The following STK33 variants were observed in gnomAD, a reference collection of about 807,000 sequenced individuals.
STK33 encodes the protein serine/threonine kinase 33, also known as serine/threonine-protein kinase 33.
Under a neutral mutation model 58.0 loss-of-function variants are expected in STK33, and 52 were observed. The observed-to-expected ratio is 0.90, with a 90% CI of 0.72 to 1.13. The LOEUF is 1.13. STK33 is among the 50% of genes most tolerant of loss of function. The probability of loss-of-function intolerance (pLI) is 0.00; values close to 1 mark genes in which losing one functional copy is unlikely to be tolerated. For synonymous variants in STK33, 215 were observed against 200.1 expected, an observed-to-expected ratio of 1.07 and a Z score of -0.63; for missense variants, 630 against 604.2, an observed-to-expected ratio of 1.04 and a Z score of -0.45.
chr11:8,486,826 T>C (rs775433128), intron 1 of STK33, among the ~76,000 whole-genome samples: 10 of 152,112 alleles, frequency 6.6e-5, no homozygotes, highest in Non-Finnish European at 1.3e-4. Context: ...GAATCAGGGA[T>C]GGGAAAAGTA....
At chr11:8,488,760 G>C (rs958505972) in intron 1 of STK33, among the ~76,000 whole-genome samples, 10 of 152,086 alleles carry the variant, frequency 6.6e-5, no homozygotes, top group Admixed American at 5.2e-4. Flanking sequence ...CTTATTTCCA[G>C]AGTTGCCACA....
intron 1 of STK33, among the ~76,000 whole-genome samples, chr11:8,582,111 C>T (rs1028225318): frequency 4.6e-5 from 7 of 152,172 alleles, no homozygotes; most frequent in African/African-American, 1.7e-4. Context: ...CACAATAAAA[C>T]CACCAATTTT....
intron 1 of STK33, among the ~76,000 whole-genome samples, chr11:8,532,529 T>A (rs1431467267): frequency 6.6e-6 from 1 of 152,236 alleles, no homozygotes. Flanking sequence ...ATATTTTCCC[T>A]TTTCCAAACT....
At chr11:8,417,112 T>G (rs1449625876) in intron 14 of STK33, among the ~76,000 whole-genome samples, 1 of 152,114 alleles carries the variant, frequency 6.6e-6, no homozygotes, top group African/African-American at 2.4e-5. Flanking sequence ...CACCTCACCA[T>G]CAGAACACTA....
At chr11:8,388,378 A>G (rs12576010), downstream of STK33, among the ~76,000 whole-genome samples, 39,195 of 152,232 alleles carry the variant, frequency 0.26, 5,670 homozygotes, top group African/African-American at 0.39. Context: ...AGACAGCCGC[A>G]GATGCGGCCT....
intron 11 of STK33, among the ~76,000 whole-genome samples, chr11:8,449,343 C>T (rs147084287): frequency 2.0e-5 from 3 of 151,512 alleles, no homozygotes; most frequent in Non-Finnish European, 2.9e-5. Flanking sequence ...CATATGTTTA[C>T]TGCGGCACTA....
chr11:8,584,211 A>G (rs2031039381), intron 1 of STK33, among the ~76,000 whole-genome samples: 1 of 152,130 alleles, frequency 6.6e-6, no homozygotes, highest in Non-Finnish European at 1.5e-5. Flanking sequence ...CAACTCTCCA[A>G]ATACTTGCAA....
intron 1 of STK33, among the ~76,000 whole-genome samples, chr11:8,527,315 G>T (rs1161317664): frequency 1.3e-5 from 2 of 152,108 alleles, no homozygotes; most frequent in Non-Finnish European, 2.9e-5. Flanking sequence ...TATACAAACT[G>T]GCTGGGCCCT....
the STK33 span, among the ~76,000 whole-genome samples, chr11:8,343,665 G>A: frequency 7.2e-5 from 11 of 152,264 alleles, 1 homozygote; most frequent in South Asian, 1.2e-3. Context: ...AGGCTGGGGC[G>A]AGTCTCATAG....
chr11:8,492,601 T>C (rs180996587), intron 1 of STK33, among the ~76,000 whole-genome samples: 28 of 152,152 alleles, frequency 1.8e-4, no homozygotes, highest in Non-Finnish European at 4.0e-4. Flanking sequence ...GCCAACTAAA[T>C]AGTCATCTAC....
intron 1 of STK33, among the ~76,000 whole-genome samples, chr11:8,508,517 C>T (rs1420122767): frequency 6.6e-6 from 1 of 152,040 alleles, no homozygotes; most frequent in Admixed American, 6.5e-5. Flanking sequence ...AGCAATCCTC[C>T]CACCTTGGCC....
chr11:8,573,912 G>A (rs1957998224), intron 1 of STK33, among the ~76,000 whole-genome samples: 1 of 152,230 alleles, frequency 6.6e-6, no homozygotes, highest in East Asian at 1.9e-4. Context: ...ACAGATAGGA[G>A]AGGGGTAGGT....
intron 7 of STK33, among the ~76,000 whole-genome samples, chr11:8,464,008 A>G (rs576934588): frequency 2.6e-4 from 39 of 152,374 alleles, no homozygotes; most frequent in African/African-American, 8.9e-4. Context: ...AATAATACAT[A>G]AAACCTACCA....
intron 1 of STK33, among the ~76,000 whole-genome samples, chr11:8,583,949 A>C (rs2030952231): frequency 6.6e-6 from 1 of 152,184 alleles, no homozygotes. Context: ...TCTGAGTATA[A>C]CGAATACAGC....
chr11:8,498,722 T>A (rs1047377912), intron 1 of STK33, among the ~76,000 whole-genome samples: 7 of 152,128 alleles, frequency 4.6e-5, no homozygotes, highest in African/African-American at 2.4e-5. Flanking sequence ...CTGGTACTGG[T>A]ACCAAAACAG....
intron 15 of STK33, among the ~76,000 whole-genome samples, chr11:8,394,526 T>C (rs1435804162): frequency 6.6e-6 from 1 of 152,338 alleles, no homozygotes; most frequent in East Asian, 1.9e-4. Flanking sequence ...CTTATATTCA[T>C]ATCTGGCTTA....
At chr11:8,435,045 T>C (rs1261157968) in intron 14 of STK33, among the ~76,000 whole-genome samples, 1 of 152,090 alleles carries the variant, frequency 6.6e-6, no homozygotes. Flanking sequence ...GAAAACAATA[T>C]GTAAATAAAT....
chr11:8,511,197 T>C (rs1324610474), intron 1 of STK33, among the ~76,000 whole-genome samples: 3 of 152,194 alleles, frequency 2.0e-5, no homozygotes, highest in Admixed American at 1.3e-4. Context: ...CTTGTAAAGA[T>C]CTTCCACCTC....
intron 7 of STK33, 98 bp downstream of exon 7, chr11:8,464,611 G>T: frequency 1.3e-6 from 1 of 779,614 alleles, no homozygotes; most frequent in Non-Finnish European, 2.1e-6. Context: ...GGGACCTCAG[G>T]GTGAGAGGCA....
Sources: gnomAD v4.1 joint callset for allele counts (sites outside exome capture counted in the v4.1 genomes callset) on GRCh38, gnomAD v4.1.1 for gene constraint, MANE v1.5 for transcripts, NCBI Gene and HGNC (gene_info 2026-07-23, HGNC 2026-07-21) for gene names.